Variants in SHANK2 observed in about 807,000 individuals in gnomAD.
The protein encoded by SHANK2 is SH3 and multiple ankyrin repeat domains 2.
A neutral mutation model predicts 133.7 loss-of-function variants in SHANK2; 43 were observed. The ratio of observed to expected loss-of-function variants is 0.32; its 90% CI spans 0.25 to 0.41. SHANK2 has a LOEUF of 0.41. Ranked by LOEUF, SHANK2 falls within the 10% of genes least tolerant of loss-of-function variation. The pLI is 1.00. For missense variants in SHANK2, 1,994 were observed against 2,235.8 expected, an observed-to-expected ratio of 0.89 and a Z score of 2.18; for synonymous variants, 1,017 against 952.8, an observed-to-expected ratio of 1.07 and a Z score of -1.24.
intron 17 of SHANK2, among the ~76,000 whole-genome samples, chr11:70,578,606 G>A (rs782035965): frequency 3.6e-4 from 55 of 152,176 alleles, no homozygotes; most frequent in Non-Finnish European, 6.3e-4. Flanking sequence ...CCGAGAAGGT[G>A]GGGGGCCCTG....
At chr11:70,539,355 A>G (rs1554974746) in intron 17 of SHANK2, among the ~76,000 whole-genome samples, 10 of 152,236 alleles carry the variant, frequency 6.6e-5, no homozygotes, top group Non-Finnish European at 1.5e-4. Flanking sequence ...AAGAAAGTAG[A>G]GTAAATGAAG....
At chr11:70,663,465 C>G (rs1944617311) in intron 15 of SHANK2, among the ~76,000 whole-genome samples, 1 of 152,154 alleles carries the variant, frequency 6.6e-6, no homozygotes, top group Non-Finnish European at 1.5e-5. Context: ...GAGGACCCAG[C>G]TAGGGAACGC....
chr11:70,941,933 C>G (rs569477355), intron 10 of SHANK2, among the ~76,000 whole-genome samples: 16 of 152,046 alleles, frequency 1.1e-4, no homozygotes, highest in African/African-American at 2.9e-4. Flanking sequence ...GTGACTCATT[C>G]CTGTAATCCC....
rs557265298 is a variant in SHANK2, at chr11:70,607,612, G to C, written c.2061+52216C>G. On this transcript the variant is annotated intron_variant, in intron 17 of 25. Transcript: ENST00000601538. ...AAATGCCTGTGGCCGTCAGCAAACA[G>C]AGCAGATCAGCTTGGAAGAAGGCAT... Among the ~76,000 whole-genome samples, 154 of 152,242 alleles carry C rather than the reference G, an allele frequency of 1.0e-3. 1 individual carries two copies. The highest frequency in any genetic ancestry group is 1.6e-3 in the Non-Finnish European group (108 of 68,044).
chr11:70,636,577 GAA>G (rs1278451216), intron 17 of SHANK2, among the ~76,000 whole-genome samples: 67 of 118,684 alleles, frequency 5.6e-4, no homozygotes, highest in Middle Eastern at 5.9e-3. Context: ...GTGTGTGTAT[GAA>G]TGTGAGTCTG....
intron 18 of SHANK2, 66 bp downstream of exon 18, chr11:70,502,730 T>TGGGCGGGG: frequency 1.6e-5 from 12 of 772,444 alleles, no homozygotes; most frequent in Non-Finnish European, 1.7e-5. Flanking sequence ...CCAGCTGTCC[T>TGGGCGGGG]GCCCGCCCCC....
At chr11:70,567,189 T>A in intron 17 of SHANK2, among the ~76,000 whole-genome samples, 1 of 152,128 alleles carries the variant, frequency 6.6e-6, no homozygotes, top group Non-Finnish European at 1.5e-5. Context: ...CTAAATTGTG[T>A]CCCTCTTAAC....
At chr11:70,893,367 G>A (rs143258692) in intron 11 of SHANK2, among the ~76,000 whole-genome samples, 254 of 152,342 alleles carry the variant, frequency 1.7e-3, no homozygotes, top group Non-Finnish European at 2.8e-3. Context: ...CCAGAGGGGC[G>A]ATGCAAAGTG....
chr11:70,657,976 C>T (rs1265848890), intron 17 of SHANK2, among the ~76,000 whole-genome samples: 2 of 152,188 alleles, frequency 1.3e-5, no homozygotes, highest in African/African-American at 4.8e-5. Context: ...GGCCCACACA[C>T]GTGCCTCAGC....
intron 17 of SHANK2, among the ~76,000 whole-genome samples, chr11:70,593,216 A>G (rs1179409471): frequency 6.6e-6 from 1 of 152,168 alleles, no homozygotes; most frequent in Non-Finnish European, 1.5e-5. Context: ...TATATTCTAT[A>G]ATTTCTCAGC....
intron 14 of SHANK2, among the ~76,000 whole-genome samples, chr11:70,707,372 CAAA>C (rs1172194976): frequency 1.6e-4 from 9 of 57,880 alleles, no homozygotes; most frequent in Admixed American, 4.8e-4. Flanking sequence ...AACTCCATCT[CAAA>C]AAAAAAAAAA....
chr11:71,082,950 C>G (rs1054772957), intron 8 of SHANK2, among the ~76,000 whole-genome samples: 4 of 148,866 alleles, frequency 2.7e-5, no homozygotes, highest in Non-Finnish European at 4.5e-5. Context: ...CCCGCCCCCC[C>G]CCCAACCCTT....
chr11:71,090,732 A>G (rs1951502105), intron 8 of SHANK2, among the ~76,000 whole-genome samples: 2 of 152,170 alleles, frequency 1.3e-5, no homozygotes, highest in Non-Finnish European at 2.9e-5. Context: ...TTTAGAGCTT[A>G]GACACATAAA....
In SHANK2 at chr11:70,591,838, G is replaced by T. The variant is rs535203420; in HGVS notation, c.2061+67990C>A. On this transcript the variant is annotated intron_variant, in intron 17 of 25. Transcript: ENST00000601538. ...TCGAGACCAGCCTGGCCAAAAGGGT[G>T]AAACCTCATCTCTACTAAAAATACA... Among the ~76,000 whole-genome samples, 614 of 152,140 alleles carry T rather than the reference G, an allele frequency of 4.0e-3. 3 individuals are homozygous for T. The highest frequency in any genetic ancestry group is 7.2e-3 in the Non-Finnish European group (487 of 68,010).
chr11:71,073,148 T>TTTTTTTTTTTTTTTTTTTTTTTTTG, intron 9 of SHANK2, among the ~76,000 whole-genome samples: 1 of 33,874 alleles, frequency 3.0e-5, no homozygotes, highest in Non-Finnish European at 1.3e-4. Context: ...TTTTCTTTTC[T>TTTTTTTTTTTTTTTTTTTTTTTTTG]TTTTTTTCTT....
rs1488233641 is a variant in SHANK2 at position 70,548,507 on chromosome 11, C to T, written c.2062-45576G>A. ...ATCTAGAGTTTAGTGGGAGGCTGGCCGGCGCCTGTGCCCGGACATGGAGCC... is the reference window on the plus strand; with the variant it reads ...ATCTAGAGTTTAGTGGGAGGCTGGCTGGCGCCTGTGCCCGGACATGGAGCC... On this transcript the variant is annotated intron_variant, in intron 17 of 25. Transcript: ENST00000601538. Among the ~76,000 whole-genome samples the T allele has an allele frequency of 3.9e-5, 6 of 152,244 alleles. No individual in the cohort carries two copies. The East Asian group carries it at 5.8e-4, about 15-fold the overall frequency.
At chr11:70,548,266 T>A (rs1659874764) in intron 17 of SHANK2, among the ~76,000 whole-genome samples, 1 of 152,240 alleles carries the variant, frequency 6.6e-6, no homozygotes, top group Non-Finnish European at 1.5e-5. Flanking sequence ...GTGATTTTGA[T>A]CTTTCTGAAA....
intron 14 of SHANK2, among the ~76,000 whole-genome samples, chr11:70,714,218 G>GC (rs1309711743): frequency 6.6e-6 from 1 of 152,296 alleles, no homozygotes; most frequent in African/African-American, 2.4e-5. Context: ...CATCTATGCT[G>GC]CCCCCAGAGC....
intron 14 of SHANK2, chr11:70,705,019 C>G (rs1198570280): frequency 1.3e-5 from 2 of 152,184 alleles, no homozygotes; most frequent in African/African-American, 4.8e-5. Context: ...GGCATGGCCA[C>G]CAAAACATTT....
Sources: allele counts gnomAD v4.1 joint callset (sites outside exome capture counted in the v4.1 genomes callset), GRCh38; gene constraint gnomAD v4.1.1; transcripts MANE v1.5; gene names NCBI Gene and HGNC (gene_info 2026-07-23, HGNC 2026-07-21).